Variants in SMAD2 observed in about 807,000 individuals in gnomAD.
SMAD2 encodes MAD homolog 2.
In SMAD2, 8 loss-of-function variants were observed where a neutral mutation model predicts 64.4. That is an observed-to-expected ratio of 0.12 (90% CI 0.07 to 0.22). SMAD2 has a LOEUF of 0.22. Ranked by LOEUF, SMAD2 falls within the 10% of genes least tolerant of loss-of-function variation. The pLI, the probability that SMAD2 is intolerant of heterozygous loss-of-function variation, is 1.00. For missense variants in SMAD2, 289 were observed against 561.2 expected, an observed-to-expected ratio of 0.51 and a Z score of 4.90; for synonymous variants, 203 against 195.8, an observed-to-expected ratio of 1.04 and a Z score of -0.31.
At chr18:47,918,965 G>C (rs2034446335) in intron 1 of SMAD2, among the ~76,000 whole-genome samples, 1 of 152,122 alleles carries the variant, frequency 6.6e-6, no homozygotes, top group South Asian at 2.1e-4. Flanking sequence ...AAAGATGGGA[G>C]TTTCTAGATG....
At chr18:47,852,144 G>A (rs1027474223) in intron 6 of SMAD2, among the ~76,000 whole-genome samples, 1 of 152,092 alleles carries the variant, frequency 6.6e-6, no homozygotes, top group African/African-American at 2.4e-5. Flanking sequence ...TTGCGATGTT[G>A]ATCATTTTCT....
intron 1 of SMAD2, among the ~76,000 whole-genome samples, chr18:47,927,180 A>G (rs2034799527): frequency 6.6e-6 from 1 of 152,224 alleles, no homozygotes; most frequent in Admixed American, 6.5e-5. Flanking sequence ...GGTCAGATGA[A>G]GCTTAGCTCT....
At position 47,820,003 on chromosome 18, in the gene SMAD2, C is replaced by T. The variant is rs1912515182; in HGVS notation, c.*21824G>A. The T allele has an allele frequency of 6.6e-6, 1 of 152,104 alleles. No individual in the cohort carries two copies. The allele number at this position is 152,104 out of a possible 1,614,324, so 9.4% of individuals were successfully genotyped here. On this transcript the variant is annotated 3_prime_UTR_variant, in exon 11 of 11. Coordinates refer to ENST00000262160, the MANE Select transcript of SMAD2 (RefSeq NM_005901.6). ...CTCCAGCCTGGGTAACACAGCAAGA[C>T]ATTGTCTCTAAAAAATAAACCAAAA...
Position 47,819,033 on chromosome 18 carries a change from G to C in SMAD2, c.*22794C>G, listed in dbSNP as rs920817440. On this transcript the variant is annotated 3_prime_UTR_variant, in exon 11 of 11. Transcript: ENST00000262160. ...TATATGTTGTATGTTGTGTCTACGT[G>C]GTAAAATCTGGCAGTTGGCCACAAA... 1.3e-5 allele frequency: 2 copies of C among 152,112 alleles called. No homozygotes were observed. Among genetic ancestry groups the C allele is most frequent in the African/African-American group, 4.8e-5 (2 of 41,424 alleles). The allele number at this position is 152,112 out of a possible 1,614,324, so 9.4% of individuals were successfully genotyped here. A position where few individuals can be genotyped will look rare whatever the true frequency, so the allele number is the denominator to read the frequency against.
In SMAD2 at chr18:47,829,254, AAAC is replaced by A. The variant is rs1244415833; in HGVS notation, c.*12570_*12572del. 4.6e-5 allele frequency: 7 copies of A among 152,200 alleles called. No individual in the cohort carries two copies. Among genetic ancestry groups the A allele is most frequent in the African/African-American group, 1.4e-4 (6 of 41,454 alleles). The allele number at this position is 152,200 out of a possible 1,614,324, so 9.4% of individuals were successfully genotyped here. A position where few individuals can be genotyped will look rare whatever the true frequency, so the allele number is the denominator to read the frequency against. On this transcript the variant is annotated 3_prime_UTR_variant, in exon 11 of 11. Transcript: ENST00000262160. ...CAAAGCTCCCTTACCCAATCCCAACAAACAACCATCAATGTCCTATTCATTCAT... is the reference window on the plus strand; with the variant it reads ...CAAAGCTCCCTTACCCAATCCCAACAAACCATCAATGTCCTATTCATTCAT...
chr18:47,867,724 T>C, intron 5 of SMAD2, among the ~76,000 whole-genome samples: 1 of 150,720 alleles, frequency 6.6e-6, no homozygotes, highest in East Asian at 1.9e-4. Context: ...TATTACTGGA[T>C]CACATAATAC....
chr18:47,903,225 C>T lies in SMAD2; in HGVS notation c.-53-6416G>A, dbSNP rs561646199. 1.4e-3 allele frequency among the ~76,000 whole-genome samples: 211 copies of T among 152,220 alleles called. 1 individual carries two copies. Among genetic ancestry groups the T allele is most frequent in the Middle Eastern group, 3.4e-3 (1 of 294 alleles). ...AGATGAGAAAACTTTCACCCAGATA[C>T]TCAGGACATTGATCTACCGAGGCTG... On this transcript the variant is annotated intron_variant, in intron 1 of 10. Transcript: ENST00000262160.
At chr18:47,861,583 C>T (rs1043310354) in intron 6 of SMAD2, among the ~76,000 whole-genome samples, 5 of 152,130 alleles carry the variant, frequency 3.3e-5, no homozygotes, top group Non-Finnish European at 7.4e-5. Flanking sequence ...TGCTATACAT[C>T]TACATCAAAA....
intron 5 of SMAD2, among the ~76,000 whole-genome samples, chr18:47,867,889 T>C (rs932113995): frequency 6.6e-6 from 1 of 152,218 alleles, no homozygotes; most frequent in South Asian, 2.1e-4. Context: ...ATATTTCTTA[T>C]AGAAATGTTA....
At chr18:47,921,527 C>T (rs774378681) in intron 1 of SMAD2, among the ~76,000 whole-genome samples, 18 of 152,212 alleles carry the variant, frequency 1.2e-4, no homozygotes, top group Non-Finnish European at 2.1e-4. Flanking sequence ...CCTTGCCTTG[C>T]TGTGATATTA....
chr18:47,879,096 T>C (rs2032433835), intron 2 of SMAD2, among the ~76,000 whole-genome samples: 1 of 152,216 alleles, frequency 6.6e-6, no homozygotes, highest in Non-Finnish European at 1.5e-5. Context: ...TCACTCCATC[T>C]TGAATGACAG....
chr18:47,858,654 T>C (rs1001833263), intron 6 of SMAD2, among the ~76,000 whole-genome samples: 7 of 151,896 alleles, frequency 4.6e-5, no homozygotes, highest in African/African-American at 1.7e-4. Flanking sequence ...GAAACTAGAG[T>C]GGTGTAAAGT....
At chr18:47,926,455 G>C (rs966983559) in intron 1 of SMAD2, among the ~76,000 whole-genome samples, 1 of 151,946 alleles carries the variant, frequency 6.6e-6, no homozygotes, top group Non-Finnish European at 1.5e-5. Context: ...TATCCTCACC[G>C]AGCTGTTATC....
At position 47,835,808 on chromosome 18, in the gene SMAD2, A is replaced by C. The variant is rs185346814; in HGVS notation, c.*6019T>G. The stretch of plus-strand genomic sequence containing the variant: ...ATATTACGGATTTCATTGTTCAATA[A>C]ATTACCATCTTTAATTAAAAATAAG... On this transcript the variant is annotated 3_prime_UTR_variant, in exon 11 of 11. Transcript: ENST00000262160. 17 of 193,094 alleles carry C rather than the reference A, an allele frequency of 8.8e-5. No homozygotes were observed. The East Asian group carries it at 1.2e-3, about 14-fold the overall frequency. 12.0% of individuals were successfully genotyped at this position (193,094 alleles called of 1,614,324 possible).
Position 47,815,644 on chromosome 18 carries a change from A to G in SMAD2, c.*26183T>C, listed in dbSNP as rs1912340838. ...CACTTCCTCCAAGTCTGAGTACAGC[A>G]CGCAAGGGCAACTGCAGCAAATGGA... On this transcript the variant is annotated 3_prime_UTR_variant, in exon 11 of 11. Coordinates refer to ENST00000262160, the MANE Select transcript of SMAD2 (RefSeq NM_005901.6). 1 of 152,254 alleles carries G rather than the reference A, an allele frequency of 6.6e-6. No individual in the cohort carries two copies. The highest frequency in any genetic ancestry group is 6.5e-5 in the Admixed American group (1 of 15,292). The allele number at this position is 152,254 out of a possible 1,614,324, so 9.4% of individuals were successfully genotyped here.
rs1330924526 is a variant in SMAD2 at position 47,829,742 on chromosome 18, T to G, written c.*12085A>C. 6.6e-6 allele frequency: 1 copy of G among 152,224 alleles called. No individual in the cohort carries two copies. Among genetic ancestry groups the G allele is most frequent in the Non-Finnish European group, 1.5e-5 (1 of 68,046 alleles). The allele number at this position is 152,224 out of a possible 1,614,324, so 9.4% of individuals were successfully genotyped here. On this transcript the variant is annotated 3_prime_UTR_variant, in exon 11 of 11. Transcript: ENST00000262160. ...GTCACATAGAAATTGTTAGAGACTT[T>G]GAATCCTAAAATTTAGTTTACCAAA...
At chr18:47,929,164 C>T (rs1439513147) in intron 1 of SMAD2, among the ~76,000 whole-genome samples, 2 of 152,220 alleles carry the variant, frequency 1.3e-5, no homozygotes, top group African/African-American at 2.4e-5. Flanking sequence ...ATCTCTGCTT[C>T]ATCTGCTTCA....
In SMAD2 at chr18:47,811,770, A is replaced by C. The variant is rs1912214373; in HGVS notation, c.*30057T>G. 3.3e-5 allele frequency: 5 copies of C among 152,234 alleles called. No homozygotes were observed. Among genetic ancestry groups the C allele is most frequent in the Non-Finnish European group, 2.9e-5 (2 of 68,048 alleles). The allele number at this position is 152,234 out of a possible 1,614,324, so 9.4% of individuals were successfully genotyped here. Reference sequence around the variant, plus strand: ...TTCAAGGAAAACAACTTAAAAATTAATGAGCTCTCAGGAAAAGATGGCATC... The same window carrying C: ...TTCAAGGAAAACAACTTAAAAATTACTGAGCTCTCAGGAAAAGATGGCATC... On this transcript the variant is annotated 3_prime_UTR_variant, in exon 11 of 11. Coordinates refer to ENST00000262160, the MANE Select transcript of SMAD2 (RefSeq NM_005901.6).
chr18:47,866,333 AAAAAAAAAG>A, intron 5 of SMAD2, among the ~76,000 whole-genome samples: 1 of 150,870 alleles, frequency 6.6e-6, no homozygotes, highest in Non-Finnish European at 1.5e-5. Context: ...AAAAAAAAAA[AAAAAAAAAG>A]AGGAAGAGAA....
Sources: allele counts gnomAD v4.1 joint callset (sites outside exome capture counted in the v4.1 genomes callset), GRCh38; gene constraint gnomAD v4.1.1; transcripts MANE v1.5; gene names NCBI Gene and HGNC (gene_info 2026-07-23, HGNC 2026-07-21).